The following C19orf47 variants were observed in gnomAD, a reference collection of about 807,000 sequenced individuals.
C19orf47 encodes the protein chromosome 19 open reading frame 47.
In C19orf47, 18 loss-of-function variants were observed where a neutral mutation model predicts 32.3. The observed-to-expected ratio is 0.56, with a 90% confidence interval of 0.39 to 0.83. The LOEUF (loss-of-function observed/expected upper bound fraction) is 0.83. C19orf47 is among the 40% of genes least tolerant of loss of function. C19orf47 has a pLI of 0.00. For synonymous variants in C19orf47, 202 were observed against 211.1 expected (o/e 0.96, Z 0.37); for missense variants, 484 against 531.6 (o/e 0.91, Z 0.88).
At chr19:40,324,183 CAGGG>C in intron 7 of C19orf47, 107 bp from the exon 8 acceptor site, 2 of 1,064,360 alleles carry the variant, frequency 1.9e-6, no homozygotes, top group African/African-American at 1.6e-5. Flanking sequence ...CTGGGACAGG[CAGGG>C]CCAGACTGTG....
chr19:40,304,135 C>A, the C19orf47 span, among the ~76,000 whole-genome samples: 1 of 152,172 alleles, frequency 6.6e-6, no homozygotes, highest in Non-Finnish European at 1.5e-5. Context: ...AGTCCCAGGT[C>A]TCATACTATT....
At chr19:40,338,645 A>C (rs547941915) in intron 2 of C19orf47, among the ~76,000 whole-genome samples, 205 of 152,210 alleles carry the variant, frequency 1.3e-3, no homozygotes, top group African/African-American at 4.5e-3. Context: ...GGCCTCCCAA[A>C]GTGATGAGAT....
chr19:40,323,915 A>G (rs1600169049), intron 8 of C19orf47, 91 bp downstream of exon 8: 6 of 1,506,436 alleles, frequency 4.0e-6, no homozygotes, highest in South Asian at 3.4e-5. Flanking sequence ...CCCTGGGCCG[A>G]GTGAGGTTGA....
chr19:40,322,340 C>A lies in C19orf47; in HGVS notation c.700G>T (p.Glu234Ter). ...GVFSRLGATPETDEDLAWDSD... is the reference protein window; with the variant it reads ...GVFSRLGATP ...TCCCAAGCCAGATCCTCGTCCGTTT[C>A]TGGGGTGGCCCCCAGGCGGCTGAAG... The change falls in exon 9 of 9, where the codon GAA becomes TAA. Residue 234 changes from glutamate to a stop codon, truncating the protein, a stop_gained. Transcript: ENST00000683109. LOFTEE classifies it high-confidence loss of function. 1 of 1,599,402 alleles carries A rather than the reference C, an allele frequency of 6.3e-7. No individual in the cohort carries two copies. Among genetic ancestry groups the A allele is most frequent in the Non-Finnish European group, 8.5e-7 (1 of 1,171,104 alleles).
intron 6 of C19orf47, among the ~76,000 whole-genome samples, chr19:40,327,077 G>GA (rs954191879): frequency 3.5e-5 from 5 of 144,278 alleles, no homozygotes; most frequent in African/African-American, 1.3e-4. Flanking sequence ...GCAATGGCAC[G>GA]ATCTCAGCTC....
At chr19:40,334,001 C>T in intron 4 of C19orf47, 72 bp from the exon 5 acceptor site, 4 of 1,166,948 alleles carry the variant, frequency 3.4e-6, no homozygotes, top group Non-Finnish European at 4.8e-6. Context: ...TAAGCAACAC[C>T]ACAAGGATCA....
At chr19:40,316,367 T>C (rs1332534185), downstream of C19orf47, among the ~76,000 whole-genome samples, 2 of 152,226 alleles carry the variant, frequency 1.3e-5, no homozygotes, top group Non-Finnish European at 2.9e-5. Context: ...AGAATCACTC[T>C]GCTGGGCTGC....
chr19:40,338,473 C>A (rs1485441411), intron 2 of C19orf47, among the ~76,000 whole-genome samples: 1 of 151,894 alleles, frequency 6.6e-6, no homozygotes, highest in African/African-American at 2.4e-5. Flanking sequence ...GCAACCTCCA[C>A]CTCCGGGTTC....
At chr19:40,347,585 C>T (rs7249146) in intron 1 of C19orf47, among the ~76,000 whole-genome samples, 102,909 of 151,918 alleles carry the variant, frequency 0.68, 34,876 homozygotes, top group South Asian at 0.77. Context: ...CTCAAATTAA[C>T]TTACTGGGGA....
downstream of C19orf47, among the ~76,000 whole-genome samples, chr19:40,317,953 C>T (rs1344017813): frequency 6.6e-6 from 1 of 152,124 alleles, no homozygotes; most frequent in Non-Finnish European, 1.5e-5. Flanking sequence ...TCCTGACTTC[C>T]AAGTGATCCA....
At chr19:40,297,141 G>A in the C19orf47 span, among the ~76,000 whole-genome samples, 1 of 152,152 alleles carries the variant, frequency 6.6e-6, no homozygotes, top group Non-Finnish European at 1.5e-5. Flanking sequence ...TTGGTTTAAT[G>A]AAAATCAGCT....
chr19:40,341,955 G>A (rs2078186355), intron 1 of C19orf47, 65 bp from the exon 2 acceptor site: 2 of 1,535,292 alleles, frequency 1.3e-6, no homozygotes, highest in Non-Finnish European at 1.7e-6. Context: ...TCCCTCTCCT[G>A]TGCCTGTCTG....
downstream of C19orf47, among the ~76,000 whole-genome samples, chr19:40,317,190 C>T (rs1262686833): frequency 6.6e-6 from 1 of 152,000 alleles, no homozygotes; most frequent in African/African-American, 2.4e-5. Context: ...CAGCTCACTG[C>T]AGCTTCAACC....
downstream of C19orf47, among the ~76,000 whole-genome samples, chr19:40,316,890 AAATT>A (rs2077665599): frequency 6.6e-6 from 1 of 152,158 alleles, no homozygotes; most frequent in South Asian, 2.1e-4. Flanking sequence ...CTGGTTAAAT[AAATT>A]AGACTACTAA....
the C19orf47 span, among the ~76,000 whole-genome samples, chr19:40,300,186 G>T: frequency 2.0e-5 from 3 of 152,050 alleles, no homozygotes; most frequent in African/African-American, 7.2e-5. Flanking sequence ...AAGTTATATG[G>T]CCGGGTGCAA....
chr19:40,333,670 C>CTG (rs1168588409), intron 5 of C19orf47, among the ~76,000 whole-genome samples, 181 bp downstream of exon 5: 1 of 152,176 alleles, frequency 6.6e-6, no homozygotes, highest in Non-Finnish European at 1.5e-5. Context: ...TGACAATTGA[C>CTG]TGTGTGTACA....
the C19orf47 span, among the ~76,000 whole-genome samples, chr19:40,297,853 G>A: frequency 7.2e-6 from 1 of 139,062 alleles, no homozygotes; most frequent in South Asian, 2.5e-4. Flanking sequence ...CAGGCCGAGC[G>A]ACAGAGGTGA....
the C19orf47 span, among the ~76,000 whole-genome samples, chr19:40,296,782 C>T: frequency 2.0e-5 from 3 of 151,818 alleles, no homozygotes; most frequent in South Asian, 4.2e-4. Flanking sequence ...GGCGTGGTGG[C>T]GGGCATCTGT....
chr19:40,325,202 G>A (rs907831391), intron 7 of C19orf47, among the ~76,000 whole-genome samples: 11 of 151,666 alleles, frequency 7.3e-5, no homozygotes, highest in Non-Finnish European at 1.5e-5. Flanking sequence ...CTCAGGAAGC[G>A]GAAGTTGCAG....
Sources: gnomAD v4.1 joint callset for allele counts (sites outside exome capture counted in the v4.1 genomes callset) on GRCh38, gnomAD v4.1.1 for gene constraint, MANE v1.5 for transcripts, NCBI Gene and HGNC (gene_info 2026-07-23, HGNC 2026-07-21) for gene names.